Variants in BCL2 observed in about 807,000 individuals in gnomAD.
BCL2 encodes BCL2 apoptosis regulator, also known as apoptosis regulator Bcl-2.
In BCL2, 1 loss-of-function variant was observed where a neutral mutation model predicts 14.2. The ratio of observed to expected loss-of-function variants is 0.07; its 90% CI spans 0.02 to 0.33. BCL2 has a LOEUF of 0.33. BCL2 is among the 10% of genes least tolerant of loss of function. The pLI is 0.99. For missense variants in BCL2, 247 were observed against 305.9 expected (o/e 0.81, Z 1.44); for synonymous variants, 151 against 137.2 (o/e 1.10, Z -0.70).
At chr18:63,166,406 C>T (rs926386777) in intron 2 of BCL2, among the ~76,000 whole-genome samples, 12 of 152,280 alleles carry the variant, frequency 7.9e-5, no homozygotes, top group African/African-American at 1.4e-4. Context: ...CTGGACAGCA[C>T]GCATATCCTG....
chr18:63,228,077 G>C (rs1037321227), intron 2 of BCL2, among the ~76,000 whole-genome samples: 3 of 152,138 alleles, frequency 2.0e-5, no homozygotes, highest in Admixed American at 2.0e-4. Flanking sequence ...TCTTTCCTCA[G>C]GTGTACATAC....
chr18:63,202,097 T>G (rs1334174590), intron 2 of BCL2, among the ~76,000 whole-genome samples: 6 of 152,096 alleles, frequency 3.9e-5, no homozygotes, highest in African/African-American at 1.2e-4. Flanking sequence ...TCACTTGAGG[T>G]CAGGAGTTTC....
intron 2 of BCL2, among the ~76,000 whole-genome samples, chr18:63,199,103 CACA>C (rs906711459): frequency 8.7e-5 from 13 of 149,988 alleles, no homozygotes; most frequent in Non-Finnish European, 5.9e-5. Flanking sequence ...AATGCACACA[CACA>C]ACACACACAC....
At chr18:63,219,387 T>C (rs1910316129) in intron 2 of BCL2, among the ~76,000 whole-genome samples, 1 of 151,922 alleles carries the variant, frequency 6.6e-6, no homozygotes, top group African/African-American at 2.4e-5. Context: ...CACAAAGTTC[T>C]GGAGGGCAGG....
At chr18:63,315,970 GATTT>G (rs1913486332) in intron 2 of BCL2, 2 of 152,488 alleles carry the variant, frequency 1.3e-5, no homozygotes, top group Non-Finnish European at 2.9e-5. Context: ...GCTTCTACAT[GATTT>G]ATTTTTACTA....
At chr18:63,261,994 G>A (rs1004306708) in intron 2 of BCL2, among the ~76,000 whole-genome samples, 1 of 152,214 alleles carries the variant, frequency 6.6e-6, no homozygotes. Context: ...TGGCCAGGCT[G>A]GTCTCGAACT....
intron 2 of BCL2, among the ~76,000 whole-genome samples, chr18:63,168,651 G>A (rs1459412756): frequency 1.3e-5 from 2 of 152,312 alleles, no homozygotes; most frequent in East Asian, 3.9e-4. Flanking sequence ...ATTTTCCAAT[G>A]CCTAAAGCTT....
In BCL2 at chr18:63,183,672, G is replaced by T. The variant is rs986257944; in HGVS notation, c.586-54913C>A. On this transcript the variant is annotated intron_variant, in intron 2 of 2. Coordinates refer to ENST00000333681, the MANE Select transcript of BCL2 (RefSeq NM_000633.3). ...AATGGCATCATTCCATGTGTGGAAGGAGTTCAGAAGAAAGGAAACACGCCA... is the reference window on the plus strand; with the variant it reads ...AATGGCATCATTCCATGTGTGGAAGTAGTTCAGAAGAAAGGAAACACGCCA... Among the ~76,000 whole-genome samples the T allele has an allele frequency of 5.9e-5, 9 of 152,320 alleles. No homozygotes were observed. The East Asian group carries it at 1.5e-3, about 26-fold the overall frequency.
chr18:63,167,230 C>G (rs1043086912), intron 2 of BCL2, among the ~76,000 whole-genome samples: 1 of 152,152 alleles, frequency 6.6e-6, no homozygotes, highest in Non-Finnish European at 1.5e-5. Flanking sequence ...ATCTACCTCC[C>G]TTTCTCTTTC....
At chr18:63,173,546 G>C (rs1915278712) in intron 2 of BCL2, among the ~76,000 whole-genome samples, 1 of 152,202 alleles carries the variant, frequency 6.6e-6, no homozygotes, top group South Asian at 2.1e-4. Context: ...TGAATTTTAA[G>C]ACCTGTGCAG....
intron 2 of BCL2, among the ~76,000 whole-genome samples, chr18:63,227,798 A>G (rs970927543): frequency 6.6e-6 from 1 of 152,260 alleles, no homozygotes; most frequent in Non-Finnish European, 1.5e-5. Flanking sequence ...TTTACAAGAA[A>G]GAAGCCTAAA....
intron 2 of BCL2, among the ~76,000 whole-genome samples, chr18:63,308,223 G>T (rs891603745): frequency 6.6e-6 from 1 of 152,162 alleles, no homozygotes; most frequent in South Asian, 2.1e-4. Context: ...TGGGAATGCC[G>T]CACTGTACTG....
intron 2 of BCL2, among the ~76,000 whole-genome samples, chr18:63,204,758 G>A (rs947369292): frequency 6.6e-6 from 1 of 152,080 alleles, no homozygotes; most frequent in African/African-American, 2.4e-5. Flanking sequence ...TAGGAAGAAA[G>A]GAAAAGCATG....
chr18:63,284,212 G>A (rs1421368510), intron 2 of BCL2, among the ~76,000 whole-genome samples: 1 of 152,176 alleles, frequency 6.6e-6, no homozygotes, highest in African/African-American at 2.4e-5. Context: ...TGGGTGGCAG[G>A]ATTTATAACA....
intron 2 of BCL2, chr18:63,302,829 C>G (rs1053915443): frequency 1.7e-5 from 17 of 985,148 alleles, no homozygotes; most frequent in Non-Finnish European, 1.9e-5. Context: ...CTTAGCCCTG[C>G]AAATAACACA....
intron 2 of BCL2, among the ~76,000 whole-genome samples, chr18:63,304,584 A>T (rs901363252): frequency 2.0e-5 from 3 of 152,036 alleles, no homozygotes; most frequent in Non-Finnish European, 4.4e-5. Flanking sequence ...TTTTTGTTTC[A>T]CATCCTTTTT....
chr18:63,264,933 G>A (rs1410394594), intron 2 of BCL2, among the ~76,000 whole-genome samples: 1 of 48 alleles, frequency 0.021, no homozygotes, highest in Non-Finnish European at 0.033. Context: ...GGGCTGCAGG[G>A]GGCCCAAAGG....
chr18:63,212,314 C>T lies in BCL2; in HGVS notation c.586-83555G>A, dbSNP rs560453912. 4.6e-5 allele frequency among the ~76,000 whole-genome samples: 7 copies of T among 151,318 alleles called. 1 individual carries two copies. The highest frequency in any genetic ancestry group is 1.9e-4 in the East Asian group (1 of 5,164). On this transcript the variant is annotated intron_variant, in intron 2 of 2. Transcript: ENST00000333681. Reference sequence around the variant, plus strand: ...CTGCACTCCAGCCTGGGCGACAGAGCGAGACTCTGTCTCAAACAAACAAAC... The same window carrying T: ...CTGCACTCCAGCCTGGGCGACAGAGTGAGACTCTGTCTCAAACAAACAAAC...
chr18:63,281,559 T>G (rs774538325), intron 2 of BCL2, among the ~76,000 whole-genome samples: 1 of 151,730 alleles, frequency 6.6e-6, no homozygotes, highest in Non-Finnish European at 1.5e-5. Flanking sequence ...CTCAGCTACT[T>G]GCAGGGCTGA....
Sources: allele counts gnomAD v4.1 joint callset (sites outside exome capture counted in the v4.1 genomes callset), GRCh38; gene constraint gnomAD v4.1.1; transcripts MANE v1.5; gene names NCBI Gene and HGNC (gene_info 2026-07-23, HGNC 2026-07-21).